PLD5: variants seen among roughly 807,000 people sequenced by gnomAD.
PLD5 encodes inactive phospholipase D5.
In PLD5, 36 loss-of-function variants were observed where a neutral mutation model predicts 61.1. That is an observed-to-expected ratio of 0.59 (90% CI 0.45 to 0.78). PLD5 has a LOEUF of 0.78. Among genes scored for constraint, PLD5 ranks in the 30% least tolerant of loss-of-function variants. The pLI is 0.00. For synonymous variants in PLD5, 243 were observed against 242.8 expected (o/e 1.00, Z -0.01); for missense variants, 515 against 644.4 (o/e 0.80, Z 2.17).
At chr1:242,353,190 T>C (rs1660570759) in intron 1 of PLD5, among the ~76,000 whole-genome samples, 1 of 152,128 alleles carries the variant, frequency 6.6e-6, no homozygotes, top group East Asian at 1.9e-4. Context: ...CCATTTTGAG[T>C]TGATTTTTGT....
At chr1:242,160,294 T>A (rs1319804) in intron 5 of PLD5, among the ~76,000 whole-genome samples, 18,726 of 152,156 alleles carry the variant, frequency 0.12, 1,628 homozygotes, top group East Asian at 0.37. Context: ...GCATTGGGAT[T>A]CTAGGCAGAT....
At chr1:242,255,580 T>C (rs1360460517) in intron 4 of PLD5, among the ~76,000 whole-genome samples, 4 of 152,230 alleles carry the variant, frequency 2.6e-5, no homozygotes, top group Non-Finnish European at 4.4e-5. Flanking sequence ...ACATGTACCC[T>C]AAAACTTAAA....
At chr1:242,455,351 C>G (rs1406033867) in intron 1 of PLD5, among the ~76,000 whole-genome samples, 2 of 152,170 alleles carry the variant, frequency 1.3e-5, no homozygotes, top group Non-Finnish European at 2.9e-5. Flanking sequence ...TTAAAAGCAA[C>G]CTGTAATTTA....
chr1:242,477,485 G>A (rs1212979536), intron 1 of PLD5, among the ~76,000 whole-genome samples: 3 of 152,170 alleles, frequency 2.0e-5, no homozygotes, highest in Non-Finnish European at 4.4e-5. Context: ...ATAATTTCCC[G>A]ATAACTTTGG....
At chr1:242,353,981 G>C (rs1233484883) in intron 1 of PLD5, among the ~76,000 whole-genome samples, 2 of 150,660 alleles carry the variant, frequency 1.3e-5, no homozygotes, top group South Asian at 4.2e-4. Context: ...CACTAAATTT[G>C]TTGATAAACT....
At chr1:242,436,427 T>A (rs1558565306) in intron 1 of PLD5, among the ~76,000 whole-genome samples, 1 of 152,192 alleles carries the variant, frequency 6.6e-6, no homozygotes. Context: ...TCATTTTATA[T>A]CAAGATCTCC....
chr1:242,401,740 T>C (rs1198400870), intron 1 of PLD5, among the ~76,000 whole-genome samples: 10 of 152,226 alleles, frequency 6.6e-5, no homozygotes, highest in Non-Finnish European at 4.4e-5. Context: ...CTGTCTAAAA[T>C]GAAGATGTCC....
intron 1 of PLD5, among the ~76,000 whole-genome samples, chr1:242,514,881 A>C (rs1366747427): frequency 6.6e-6 from 1 of 152,226 alleles, no homozygotes; most frequent in Non-Finnish European, 1.5e-5. Flanking sequence ...AGAGAACATC[A>C]AGGACAAAGA....
At chr1:242,121,899 C>T (rs980993122) in intron 6 of PLD5, among the ~76,000 whole-genome samples, 1 of 134,168 alleles carries the variant, frequency 7.5e-6, no homozygotes, top group Admixed American at 9.2e-5. Context: ...AATGAGAACA[C>T]ATGGACACAG....
chr1:242,392,328 G>A (rs776172279), intron 1 of PLD5, among the ~76,000 whole-genome samples: 3 of 152,052 alleles, frequency 2.0e-5, no homozygotes, highest in Non-Finnish European at 2.9e-5. Flanking sequence ...CCTGGGGGAT[G>A]GGATCATTCA....
chr1:242,380,032 T>C (rs537969726), intron 1 of PLD5, among the ~76,000 whole-genome samples: 8 of 152,312 alleles, frequency 5.3e-5, no homozygotes, highest in Admixed American at 1.3e-4. Flanking sequence ...TAAGAACAAG[T>C]GTATTATCTG....
chr1:242,472,379 C>T (rs958179115), intron 1 of PLD5, among the ~76,000 whole-genome samples: 3 of 152,166 alleles, frequency 2.0e-5, no homozygotes, highest in South Asian at 2.1e-4. Flanking sequence ...TGTCAAGGTG[C>T]GCCGATAGAG....
chr1:242,514,041 G>A (rs1282654062), intron 1 of PLD5, among the ~76,000 whole-genome samples: 2 of 152,114 alleles, frequency 1.3e-5, no homozygotes, highest in African/African-American at 2.4e-5. Context: ...CCCAATTCTA[G>A]GCTCTCATTC....
chr1:242,192,071 A>G (rs1668320772), intron 5 of PLD5: 1 of 152,254 alleles, frequency 6.6e-6, no homozygotes, highest in African/African-American at 2.4e-5. Context: ...TCTCAGATTT[A>G]TAAGCTAACA....
chr1:242,161,481 G>A (rs557843754), intron 5 of PLD5, among the ~76,000 whole-genome samples: 202 of 151,836 alleles, frequency 1.3e-3, no homozygotes, highest in African/African-American at 4.7e-3. Context: ...AAAAAAAATA[G>A]TATTAAAGTG....
intron 6 of PLD5, among the ~76,000 whole-genome samples, chr1:242,117,869 C>T (rs58670868): frequency 0.2 from 29,973 of 152,066 alleles, 3,184 homozygotes; most frequent in Non-Finnish European, 0.23. Flanking sequence ...ATTTAATTCC[C>T]TTAGCATGTT....
At chr1:242,144,127 C>G (rs1245951565) in intron 5 of PLD5, among the ~76,000 whole-genome samples, 2 of 152,042 alleles carry the variant, frequency 1.3e-5, no homozygotes, top group Non-Finnish European at 2.9e-5. Context: ...CCTTGGCCTC[C>G]CAAAATGTTG....
rs1553366299 is a variant in PLD5, at chr1:242,394,232, A to ATGAGTATATATATGTGTATATATATGAG, written c.190-45991_190-45990insCTCATATATATACACATATATATACTCA. ...TATATGAGTATATATATGTGTATAT[A>ATGAGTATATATATGTGTATATATATGAG]TATGAGTATATATATGTGTATATAT... On this transcript the variant is annotated intron_variant, in intron 1 of 9. Transcript: ENST00000536534. Among the ~76,000 whole-genome samples the ATGAGTATATATATGTGTATATATATGAG allele has an allele frequency of 2.6e-4, 22 of 85,584 alleles. 5 individuals carry two copies. Among genetic ancestry groups the ATGAGTATATATATGTGTATATATATGAG allele is most frequent in the Non-Finnish European group, 3.1e-4 (14 of 44,836 alleles). The allele number at this position is 85,584 out of a possible 152,430, so 56.1% of individuals were successfully genotyped here.
In PLD5 at chr1:242,520,183, T is replaced by C. The variant is rs145298653; in HGVS notation, c.189+3905A>G. On this transcript the variant is annotated intron_variant, in intron 1 of 9. Transcript: ENST00000536534. ...GCGGAAGCATTGAAAGCCTAAATCA[T>C]TACATGATTTTCCAACTGCTCTTTA... Among the ~76,000 whole-genome samples the C allele has an allele frequency of 6.1e-4, 93 of 152,270 alleles. 4 individuals are homozygous for C. The East Asian group carries it at 0.012, about 19-fold the overall frequency.
Sources: allele counts gnomAD v4.1 joint callset (sites outside exome capture counted in the v4.1 genomes callset), GRCh38; gene constraint gnomAD v4.1.1; transcripts MANE v1.5; gene names NCBI Gene and HGNC (gene_info 2026-07-23, HGNC 2026-07-21).